SEMA3A: variants seen among roughly 807,000 people sequenced by gnomAD.
The protein encoded by SEMA3A is semaphorin 3A.
In SEMA3A, 29 loss-of-function variants were observed where a neutral mutation model predicts 97.9. That is an observed-to-expected ratio of 0.30 (90% CI 0.22 to 0.40). The LOEUF is 0.40. Ranked by LOEUF, SEMA3A falls within the 10% of genes least tolerant of loss-of-function variation. The pLI, the probability that SEMA3A is intolerant of heterozygous loss-of-function variation, is 1.00. For missense variants in SEMA3A, 763 were observed against 951.3 expected (o/e 0.80, Z 2.60); for synonymous variants, 321 against 323.7 (o/e 0.99, Z 0.09).
intron 1 of SEMA3A, among the ~76,000 whole-genome samples, chr7:84,397,760 A>T (rs541918964): frequency 6.6e-6 from 1 of 152,062 alleles, no homozygotes; most frequent in Non-Finnish European, 1.5e-5. Flanking sequence ...CATGAAGAGG[A>T]GTCAGACAAA....
chr7:84,312,173 C>A (rs1360901502), intron 2 of SEMA3A, among the ~76,000 whole-genome samples: 1 of 151,800 alleles, frequency 6.6e-6, no homozygotes, highest in Non-Finnish European at 1.5e-5. Flanking sequence ...AGAGTAGAAA[C>A]CTGAAACTCA....
intron 1 of SEMA3A, among the ~76,000 whole-genome samples, chr7:84,375,086 C>G (rs1339170643): frequency 6.6e-6 from 1 of 152,150 alleles, no homozygotes; most frequent in Non-Finnish European, 1.5e-5. Context: ...GTGGTGCCAT[C>G]TCAGCTCACT....
At chr7:84,196,967 G>T (rs1446458023), upstream of SEMA3A, among the ~76,000 whole-genome samples, 1 of 152,020 alleles carries the variant, frequency 6.6e-6, no homozygotes, top group Non-Finnish European at 1.5e-5. Context: ...TTTCACCTGT[G>T]TAATGTCTAA....
chr7:83,971,686 T>C (rs960226299), intron 15 of SEMA3A, among the ~76,000 whole-genome samples: 4 of 152,148 alleles, frequency 2.6e-5, no homozygotes, highest in African/African-American at 7.2e-5. Context: ...GTTAAGAACA[T>C]GCATGTGTGC....
chr7:84,453,282 C>G (rs1235689673), intron 1 of SEMA3A, among the ~76,000 whole-genome samples: 1 of 148,680 alleles, frequency 6.7e-6, no homozygotes, highest in Admixed American at 6.8e-5. Flanking sequence ...GTCGCCCAGG[C>G]TGGAGTGCAG....
intron 3 of SEMA3A, among the ~76,000 whole-genome samples, chr7:84,214,261 A>G (rs918511025): frequency 1.3e-5 from 2 of 152,238 alleles, no homozygotes; most frequent in African/African-American, 4.8e-5. Flanking sequence ...GTCTGACAGT[A>G]AAGCTCCTAT....
chr7:84,398,378 T>G (rs1377986033), intron 1 of SEMA3A, among the ~76,000 whole-genome samples: 2 of 152,182 alleles, frequency 1.3e-5, no homozygotes, highest in Non-Finnish European at 2.9e-5. Flanking sequence ...GCACGTGACA[T>G]TCATGACAAT....
At chr7:84,008,016 A>G (rs1263758106) in intron 9 of SEMA3A, among the ~76,000 whole-genome samples, 1 of 152,142 alleles carries the variant, frequency 6.6e-6, no homozygotes, top group Non-Finnish European at 1.5e-5. Context: ...GTAGAAGTTG[A>G]TTCTTGTGAA....
At chr7:84,351,134 C>T (rs1264685281) in intron 2 of SEMA3A, among the ~76,000 whole-genome samples, 7 of 151,858 alleles carry the variant, frequency 4.6e-5, no homozygotes, top group East Asian at 1.9e-4. Flanking sequence ...TTTTGAGATA[C>T]GCATCAGAAG....
intron 3 of SEMA3A, among the ~76,000 whole-genome samples, chr7:84,123,003 T>A (rs1003412962): frequency 6.6e-6 from 1 of 152,202 alleles, no homozygotes; most frequent in African/African-American, 2.4e-5. Flanking sequence ...TCTCAGATGG[T>A]TGAAATTTTG....
intron 3 of SEMA3A, among the ~76,000 whole-genome samples, chr7:84,126,295 T>A (rs1467303987): frequency 6.6e-6 from 1 of 152,050 alleles, no homozygotes; most frequent in Non-Finnish European, 1.5e-5. Context: ...AACCTGCACC[T>A]CCCGGGTTCA....
chr7:84,281,606 A>G (rs1584197682), intron 3 of SEMA3A, among the ~76,000 whole-genome samples: 1 of 152,158 alleles, frequency 6.6e-6, no homozygotes, highest in African/African-American at 2.4e-5. Context: ...GTTTATTCCA[A>G]TTTGAAATCA....
intron 2 of SEMA3A, among the ~76,000 whole-genome samples, chr7:84,338,564 A>G (rs1186171628): frequency 6.6e-6 from 1 of 152,184 alleles, no homozygotes; most frequent in Non-Finnish European, 1.5e-5. Context: ...ATAATACTCC[A>G]GGATTATTCC....
At chr7:84,396,145 G>T (rs1803725562) in intron 1 of SEMA3A, among the ~76,000 whole-genome samples, 1 of 151,896 alleles carries the variant, frequency 6.6e-6, no homozygotes, top group Non-Finnish European at 1.5e-5. Flanking sequence ...AGACTAGCAG[G>T]AATAGGTGAA....
intron 2 of SEMA3A, among the ~76,000 whole-genome samples, chr7:84,324,899 T>C (rs6943094): frequency 0.43 from 65,207 of 151,912 alleles, 15,044 homozygotes; most frequent in Non-Finnish European, 0.54. Flanking sequence ...ATAAGGCATG[T>C]GTGGCATTGT....
At chr7:84,437,613 A>T (rs1166696632) in intron 1 of SEMA3A, among the ~76,000 whole-genome samples, 3 of 151,662 alleles carry the variant, frequency 2.0e-5, no homozygotes, top group South Asian at 2.1e-4. Flanking sequence ...TTAAAGAAAA[A>T]CATTTAAGGA....
chr7:84,168,759 G>A (rs942481117), intron 1 of SEMA3A, among the ~76,000 whole-genome samples: 122 of 151,864 alleles, frequency 8.0e-4, no homozygotes, highest in African/African-American at 2.8e-3. Flanking sequence ...AGAACTAACT[G>A]ACACCTCACA....
In SEMA3A at chr7:84,301,493, A is replaced by G. The variant is rs141718337; in HGVS notation, c.-83+5714T>C. The stretch of plus-strand genomic sequence containing the variant: ...AAATAGGCAAATTAAAATATGCTCA[A>G]TATCATCAGTTATCAGACATATGCA... On this transcript the variant is annotated intron_variant, in intron 3 of 3. Coordinates refer to the SEMA3A transcript ENST00000424555. 2.4e-4 allele frequency among the ~76,000 whole-genome samples: 37 copies of G among 152,286 alleles called. No homozygotes were observed. The East Asian group carries it at 5.8e-3, about 24-fold the overall frequency.
chr7:84,378,679 C>T (rs1215859550), intron 1 of SEMA3A, among the ~76,000 whole-genome samples: 2 of 151,988 alleles, frequency 1.3e-5, no homozygotes, highest in East Asian at 3.9e-4. Context: ...GCACGTTCTG[C>T]ACATGTATCC....
Sources: allele counts gnomAD v4.1 joint callset (sites outside exome capture counted in the v4.1 genomes callset), GRCh38; gene constraint gnomAD v4.1.1; transcripts MANE v1.5; gene names NCBI Gene and HGNC (gene_info 2026-07-23, HGNC 2026-07-21).